Variants in CRB1 observed in about 807,000 individuals in gnomAD.
CRB1 encodes the protein protein crumbs homolog 1.
A neutral mutation model predicts 120.0 loss-of-function variants in CRB1; 83 were observed. That is an observed-to-expected ratio of 0.69 (90% CI 0.58 to 0.83). CRB1 has a LOEUF of 0.83. Ranked by LOEUF, CRB1 falls within the 40% of genes least tolerant of loss-of-function variation. CRB1 has a pLI of 0.00. For missense variants in CRB1, 1,699 were observed against 1,687.6 expected, an observed-to-expected ratio of 1.01 and a Z score of -0.12; for synonymous variants, 625 against 612.5, an observed-to-expected ratio of 1.02 and a Z score of -0.30.
chr1:197,262,056 C>T, the CRB1 span, among the ~76,000 whole-genome samples: 1 of 152,154 alleles, frequency 6.6e-6, no homozygotes, highest in African/African-American at 2.4e-5. Flanking sequence ...CATCTGCTCA[C>T]CAGAGTTTAA....
At chr1:197,227,005 G>T in the CRB1 span, among the ~76,000 whole-genome samples, 2 of 152,138 alleles carry the variant, frequency 1.3e-5, no homozygotes, top group African/African-American at 4.8e-5. Flanking sequence ...CCCACAACAT[G>T]TGGGAATTAT....
chr1:197,453,506 A>G (rs1666078593), intron 11 of CRB1, among the ~76,000 whole-genome samples: 2 of 135,288 alleles, frequency 1.5e-5, no homozygotes, highest in Admixed American at 8.4e-5. Flanking sequence ...ATATATGTGT[A>G]TATATATGTG....
intron 1 of CRB1, 123 bp downstream of exon 1, chr1:197,268,605 G>A: frequency 1.5e-6 from 1 of 666,104 alleles, no homozygotes; most frequent in South Asian, 2.0e-5. Context: ...GTTTTTATTT[G>A]TTTTTTTTTT....
At chr1:197,261,410 C>T in the CRB1 span, among the ~76,000 whole-genome samples, 1 of 152,184 alleles carries the variant, frequency 6.6e-6, no homozygotes, top group East Asian at 1.9e-4. Flanking sequence ...TATGAAATGC[C>T]GCGTGGCATT....
rs191388251 is a variant in CRB1 at position 197,359,884 on chromosome 1, T to A, written c.1171+2871T>A. Among the ~76,000 whole-genome samples the A allele has an allele frequency of 4.7e-3, 709 of 152,348 alleles. 15 individuals are homozygous for A. The highest frequency in any genetic ancestry group is 0.027 in the Middle Eastern group (8 of 294). ...ACATCTTATATGTGCTTGTTTGACA[T>A]CTGTTTGTCTTTTGCAGGAAAATGT... On this transcript the variant is annotated intron_variant, in intron 5 of 11. Coordinates refer to ENST00000367400, the MANE Select transcript of CRB1 (RefSeq NM_201253.3).
chr1:197,344,039 T>A (rs1419090808), intron 2 of CRB1, among the ~76,000 whole-genome samples: 1 of 152,208 alleles, frequency 6.6e-6, no homozygotes, highest in Non-Finnish European at 1.5e-5. Context: ...GACTTATTTG[T>A]TTTCACGGAC....
At chr1:197,296,185 T>G (rs1656507073) in intron 1 of CRB1, among the ~76,000 whole-genome samples, 1 of 152,002 alleles carries the variant, frequency 6.6e-6, no homozygotes, top group Non-Finnish European at 1.5e-5. Context: ...CAAGAAACAC[T>G]TTTTCATCAC....
rs768441650 is a variant in CRB1 at position 197,328,426 on chromosome 1, C to T, written c.75C>T (p.Ser25=). 8.7e-6 allele frequency: 14 copies of T among 1,610,390 alleles called. No homozygotes were observed. The highest frequency in any genetic ancestry group is 1.1e-5 in the Non-Finnish European group (13 of 1,176,908). ...TTACTTTTTATTTCCTTGTAGATTC[C>T]TTTTGCAATAAAAACAACACCAGGT... ...SFSLLIYIKN[S]FCNKNNTRCL... Residue 25 remains serine (S), a synonymous_variant, in exon 2 of 12, where the codon TCC becomes TCT. Transcript: ENST00000367400.
intron 11 of CRB1, among the ~76,000 whole-genome samples, chr1:197,467,766 G>C (rs1441392691): frequency 6.6e-6 from 1 of 152,108 alleles, no homozygotes; most frequent in Non-Finnish European, 1.5e-5. Context: ...ATGCAAGTTA[G>C]TAGACGACCC....
intron 1 of CRB1, among the ~76,000 whole-genome samples, chr1:197,291,723 T>C (rs1298868077): frequency 6.6e-6 from 1 of 151,840 alleles, no homozygotes; most frequent in Non-Finnish European, 1.5e-5. Flanking sequence ...CTGTTATTAT[T>C]CATTGAAATT....
At chr1:197,424,407 A>G (rs1664478723) in intron 6 of CRB1, among the ~76,000 whole-genome samples, 1 of 152,198 alleles carries the variant, frequency 6.6e-6, no homozygotes, top group Non-Finnish European at 1.5e-5. Flanking sequence ...AAGTATCTCG[A>G]GCCATCTAAA....
At chr1:197,472,623 T>G (rs1209259528) in intron 11 of CRB1, among the ~76,000 whole-genome samples, 1 of 152,214 alleles carries the variant, frequency 6.6e-6, no homozygotes, top group African/African-American at 2.4e-5. Flanking sequence ...TAGGTCCTGA[T>G]GCTGACAACA....
chr1:197,354,090 C>T (rs927257760), intron 4 of CRB1, among the ~76,000 whole-genome samples: 11 of 150,488 alleles, frequency 7.3e-5, no homozygotes, highest in African/African-American at 2.4e-4. Context: ...ACCAAAGTAA[C>T]AGTGAGATAC....
At position 197,442,280 on chromosome 1, in the gene CRB1, C is replaced by A; in HGVS notation, c.3993C>A (p.Arg1331=). The part of the protein sequence containing the change: ...CLCDVAFAGE[R]CEVDLADDLI... ...GTGATGTTGCCTTTGCTGGCGAGCG[C>A]TGCGAGGTGGACGTAAGCAGCCTCT... is the stretch of plus-strand genomic sequence containing the variant. Residue 1331 remains arginine (R), a synonymous_variant, in exon 11 of 12, where the codon CGC becomes CGA. Coordinates refer to ENST00000367400, the MANE Select transcript of CRB1 (RefSeq NM_201253.3). 6.2e-7 allele frequency: 1 copy of A among 1,614,180 alleles called. No individual in the cohort carries two copies. Among genetic ancestry groups the A allele is most frequent in the South Asian group, 1.1e-5 (1 of 91,074 alleles).
chr1:197,214,820 T>G, the CRB1 span, among the ~76,000 whole-genome samples: 2 of 150,994 alleles, frequency 1.3e-5, no homozygotes, highest in African/African-American at 4.9e-5. Context: ...ACCTCCAAAC[T>G]CTTTTCATGA....
At chr1:197,282,087 GTC>G (rs1230385529) in intron 1 of CRB1, among the ~76,000 whole-genome samples, 2 of 150,418 alleles carry the variant, frequency 1.3e-5, no homozygotes, top group Admixed American at 6.6e-5. Flanking sequence ...AGAAAATCAA[GTC>G]TCTGAAATTT....
intron 1 of CRB1, among the ~76,000 whole-genome samples, chr1:197,325,244 A>G (rs528592099): frequency 3.9e-5 from 6 of 152,310 alleles, no homozygotes; most frequent in African/African-American, 1.2e-4. Context: ...CATTCTCTGC[A>G]GAAAGCCAGG....
Position 197,361,520 on chromosome 1 carries a change from G to C in CRB1, c.1171+4507G>C, listed in dbSNP as rs1660767816. Among the ~76,000 whole-genome samples the C allele has an allele frequency of 2.6e-5, 4 of 151,842 alleles. No homozygotes were observed. The South Asian group carries it at 8.3e-4, about 32-fold the overall frequency. ...AAAAATTGTGTATTTTGCTGTCGTT[G>C]GATGGAGTATTTCTATATATGTCAA... On this transcript the variant is annotated intron_variant, in intron 5 of 11. Coordinates refer to ENST00000367400, the MANE Select transcript of CRB1 (RefSeq NM_201253.3).
At chr1:197,285,082 G>A (rs1655746230) in intron 1 of CRB1, among the ~76,000 whole-genome samples, 1 of 151,864 alleles carries the variant, frequency 6.6e-6, no homozygotes, top group Non-Finnish European at 1.5e-5. Context: ...ATTGGAGTGT[G>A]AGTTGGTCAT....
Sources: gnomAD v4.1 joint callset for allele counts (sites outside exome capture counted in the v4.1 genomes callset) on GRCh38, gnomAD v4.1.1 for gene constraint, MANE v1.5 for transcripts, NCBI Gene and HGNC (gene_info 2026-07-23, HGNC 2026-07-21) for gene names.